MACROH2A1: variants seen among roughly 807,000 people sequenced by gnomAD.
MACROH2A1 encodes macroH2A.1 histone.
MACROH2A1 carries 2 observed loss-of-function variants against 31.6 expected under a neutral mutation model. The observed-to-expected ratio is 0.06, with a 90% CI of 0.03 to 0.20. The LOEUF (loss-of-function observed/expected upper bound fraction) is 0.20, where lower values mean the gene tolerates loss of function less well. Ranked by LOEUF, MACROH2A1 falls within the 10% of genes least tolerant of loss-of-function variation. The pLI, the probability that MACROH2A1 is intolerant of heterozygous loss-of-function variation, is 1.00. For synonymous variants in MACROH2A1, 169 were observed against 189.6 expected, an observed-to-expected ratio of 0.89 and a Z score of 0.89; for missense variants, 230 against 474.0, an observed-to-expected ratio of 0.49 and a Z score of 4.78.
intron 8 of MACROH2A1, among the ~76,000 whole-genome samples, chr5:135,340,561 A>G (rs1313793183): frequency 6.6e-6 from 1 of 152,212 alleles, no homozygotes; most frequent in Non-Finnish European, 1.5e-5. Flanking sequence ...TCCAGATGCC[A>G]GGGCCTCACA....
intron 2 of MACROH2A1, among the ~76,000 whole-genome samples, chr5:135,375,513 A>G (rs1764743469): frequency 6.6e-6 from 1 of 152,196 alleles, no homozygotes; most frequent in Non-Finnish European, 1.5e-5. Context: ...GTTGTATTGA[A>G]GCATTTTGTC....
chr5:135,362,888 G>C (rs900696214), intron 4 of MACROH2A1: 4 of 152,156 alleles, frequency 2.6e-5, no homozygotes, highest in Admixed American at 2.0e-4. Context: ...GAAAGTTTGT[G>C]GGGCAAGCAA....
At chr5:135,378,088 G>A (rs990017632) in intron 2 of MACROH2A1, among the ~76,000 whole-genome samples, 1 of 152,096 alleles carries the variant, frequency 6.6e-6, no homozygotes, top group African/African-American at 2.4e-5. Flanking sequence ...CCTCCTCTTC[G>A]CTAAGGGGAC....
intron 2 of MACROH2A1, among the ~76,000 whole-genome samples, chr5:135,381,587 C>T (rs138798509): frequency 1.2e-3 from 187 of 152,094 alleles, no homozygotes; most frequent in Non-Finnish European, 2.2e-3. Flanking sequence ...TGCACTCCAG[C>T]CTGGACAACA....
chr5:135,362,609 A>T (rs1348985645), intron 4 of MACROH2A1: 7 of 152,176 alleles, frequency 4.6e-5, no homozygotes, highest in Admixed American at 1.3e-4. Flanking sequence ...TACCTGAACT[A>T]GTTAGGGGGA....
chr5:135,374,470 G>A (rs545886719), intron 2 of MACROH2A1, among the ~76,000 whole-genome samples: 2 of 152,332 alleles, frequency 1.3e-5, no homozygotes, highest in South Asian at 4.1e-4. Flanking sequence ...GCTCAGGGCT[G>A]TACAGCAATG....
Position 135,346,958 on chromosome 5 carries a change from C to G in MACROH2A1, c.689-901G>C, listed in dbSNP as rs1185244234. ...AGCAAGTGGCAATCAAAGTTAGCAA[C>G]AAGATCAGCCTTTCAAGTTTGGCCA... On this transcript the variant is annotated intron_variant, in intron 6 of 8. Transcript: ENST00000511689. 4.6e-5 allele frequency: 7 copies of G among 152,356 alleles called. No homozygotes were observed. The East Asian group carries it at 1.4e-3, about 29-fold the overall frequency. The allele number at this position is 152,356 out of a possible 1,614,324, so 9.4% of individuals were successfully genotyped here.
rs563945495 is a variant in MACROH2A1 at position 135,371,109 on chromosome 5, T to C, written c.173-967A>G. 1.6e-4 allele frequency among the ~76,000 whole-genome samples: 24 copies of C among 152,290 alleles called. No homozygotes were observed. The South Asian group carries it at 4.6e-3, about 29-fold the overall frequency. Reference sequence around the variant, plus strand: ...GGAAATTCTGTCATTTGCAACAACATGGATAAACCTGGAGGACATTATGCT... The same window carrying C: ...GGAAATTCTGTCATTTGCAACAACACGGATAAACCTGGAGGACATTATGCT... On this transcript the variant is annotated intron_variant, in intron 2 of 8. Transcript: ENST00000511689.
At chr5:135,357,962 T>C (rs899699773) in intron 5 of MACROH2A1, 6 of 985,294 alleles carry the variant, frequency 6.1e-6, no homozygotes, top group African/African-American at 1.7e-5. Context: ...GCTTGCAATC[T>C]TCAAGCACTG....
intron 5 of MACROH2A1, chr5:135,359,987 G>A: frequency 1.3e-6 from 1 of 757,646 alleles, no homozygotes; most frequent in Non-Finnish European, 1.6e-6. Flanking sequence ...ACAATTAGCT[G>A]GAAGAGTCAT....
At chr5:135,378,429 G>A (rs530285337) in intron 2 of MACROH2A1, among the ~76,000 whole-genome samples, 2 of 152,258 alleles carry the variant, frequency 1.3e-5, no homozygotes, top group East Asian at 3.9e-4. Flanking sequence ...TATCTTGCAG[G>A]ACCCCTGTCC....
intron 8 of MACROH2A1, chr5:135,343,035 T>C (rs577487361): frequency 1.6e-4 from 164 of 1,017,006 alleles, no homozygotes; most frequent in Non-Finnish European, 2.1e-4. Flanking sequence ...TGTGATGACA[T>C]TTGCTATCAA....
intron 1 of MACROH2A1, among the ~76,000 whole-genome samples, chr5:135,396,208 G>C (rs2150000446): frequency 6.6e-6 from 1 of 152,318 alleles, no homozygotes; most frequent in East Asian, 1.9e-4. Context: ...AAACTCTTAA[G>C]ATAACCAGTC....
chr5:135,338,545 A>G (rs1011369949), intron 8 of MACROH2A1, among the ~76,000 whole-genome samples: 2 of 152,176 alleles, frequency 1.3e-5, no homozygotes, highest in African/African-American at 2.4e-5. Context: ...CGGTGCTAAC[A>G]ATGTTGGCCT....
At chr5:135,385,603 T>C (rs1307139685) in intron 2 of MACROH2A1, among the ~76,000 whole-genome samples, 1 of 152,114 alleles carries the variant, frequency 6.6e-6, no homozygotes, top group Admixed American at 6.5e-5. Context: ...CTCTGTAGCT[T>C]CCCCATGTTC....
chr5:135,365,923 T>C (rs1349551622), intron 4 of MACROH2A1, among the ~76,000 whole-genome samples: 1 of 152,202 alleles, frequency 6.6e-6, no homozygotes, highest in African/African-American at 2.4e-5. Flanking sequence ...CACCCAAATC[T>C]CACCTCAAAT....
rs569663784 is a variant in MACROH2A1 at position 135,372,940 on chromosome 5, C to T, written c.173-2798G>A. 4.6e-5 allele frequency among the ~76,000 whole-genome samples: 7 copies of T among 152,316 alleles called. No individual in the cohort carries two copies. In the South Asian group the frequency reaches 1.0e-3, roughly 23 times the overall value. ...TCGGTATCTGCAGAGCCAGAATATA[C>T]AGGAGGAGGCTGATGGATTACAATC... On this transcript the variant is annotated intron_variant, in intron 2 of 8. Transcript: ENST00000511689.
chr5:135,380,836 C>A (rs1472700791), intron 2 of MACROH2A1, among the ~76,000 whole-genome samples: 1 of 152,092 alleles, frequency 6.6e-6, no homozygotes, highest in Non-Finnish European at 1.5e-5. Context: ...TATATAAGAA[C>A]TAGTAACATG....
Position 135,352,930 on chromosome 5 carries a change from C to G in MACROH2A1, c.688+16G>C. 7.6e-7 allele frequency: 1 copy of G among 1,314,210 alleles called. No homozygotes were observed. Among genetic ancestry groups the G allele is most frequent in the Non-Finnish European group, 1.1e-6 (1 of 905,882 alleles). 81.4% of individuals were successfully genotyped at this position (1,314,210 alleles called of 1,614,324 possible). On this transcript the variant is annotated intron_variant, in intron 6 of 8. Transcript: ENST00000511689. ...TCATCTGACAGCTGGTGGTGCCGAA[C>G]CCCGTCCCCAATTACCTAGGTCATC...
Sources: allele counts gnomAD v4.1 joint callset (sites outside exome capture counted in the v4.1 genomes callset), GRCh38; gene constraint gnomAD v4.1.1; transcripts MANE v1.5; gene names NCBI Gene and HGNC (gene_info 2026-07-23, HGNC 2026-07-21).